Variants in TMEM178B observed in about 807,000 individuals in gnomAD.
The protein encoded by TMEM178B is transmembrane protein 178B.
In TMEM178B, 5 loss-of-function variants were observed where a neutral mutation model predicts 31.0. That is an observed-to-expected ratio of 0.16 (90% CI 0.08 to 0.34). The LOEUF (loss-of-function observed/expected upper bound fraction) is 0.34. Among genes scored for constraint, TMEM178B ranks in the 10% least tolerant of loss-of-function variants. The pLI, the probability that TMEM178B is intolerant of heterozygous loss-of-function variation, is 1.00. For synonymous variants in TMEM178B, 164 were observed against 164.0 expected (o/e 1.00, Z 0.00); for missense variants, 275 against 400.3 (o/e 0.69, Z 2.67).
intron 1 of TMEM178B, among the ~76,000 whole-genome samples, chr7:141,077,777 A>C (rs1794622169): frequency 6.6e-6 from 1 of 152,258 alleles, no homozygotes; most frequent in Non-Finnish European, 1.5e-5. Context: ...TGAGAATTTA[A>C]GTAAAAAATT....
intron 2 of TMEM178B, among the ~76,000 whole-genome samples, chr7:141,411,133 G>A (rs1334655737): frequency 2.0e-5 from 3 of 151,458 alleles, no homozygotes; most frequent in Admixed American, 6.6e-5. Flanking sequence ...GAGATGGAGA[G>A]TTAATGCCTA....
intron 2 of TMEM178B, among the ~76,000 whole-genome samples, chr7:141,407,717 T>C (rs1242584501): frequency 6.6e-6 from 1 of 152,208 alleles, no homozygotes; most frequent in Non-Finnish European, 1.5e-5. Flanking sequence ...TTAGAGCCTA[T>C]TGGAACCCAA....
chr7:141,340,220 C>T (rs1799493208), intron 2 of TMEM178B, among the ~76,000 whole-genome samples: 2 of 152,216 alleles, frequency 1.3e-5, no homozygotes, highest in African/African-American at 4.8e-5. Context: ...GTCCCTAGAG[C>T]TTCCCGTGAA....
chr7:141,347,448 G>C (rs1291731917), intron 2 of TMEM178B, among the ~76,000 whole-genome samples: 6 of 152,124 alleles, frequency 3.9e-5, no homozygotes, highest in Non-Finnish European at 8.8e-5. Context: ...GGCAGAGCTG[G>C]TTTTCCTTTG....
rs1563163875 is a variant in TMEM178B, at chr7:141,369,315, A to ATG, written c.497-68293_497-68292insTG. 5.5e-4 allele frequency among the ~76,000 whole-genome samples: 60 copies of ATG among 108,864 alleles called. 1 individual carries two copies. Among genetic ancestry groups the ATG allele is most frequent in the African/African-American group, 2.2e-3 (59 of 27,422 alleles). 71.4% of individuals were successfully genotyped at this position (108,864 alleles called of 152,430 possible). ...TCTTTCTCTCTGTCTCTCCGCGCCG[A>ATG]CGTGTGTGTGTGTGTGTGTGTGTGT... On this transcript the variant is annotated intron_variant, in intron 2 of 3. Transcript: ENST00000565468.
At chr7:141,293,843 C>T (rs1331139423) in intron 2 of TMEM178B, among the ~76,000 whole-genome samples, 1 of 152,120 alleles carries the variant, frequency 6.6e-6, no homozygotes, top group Non-Finnish European at 1.5e-5. Context: ...AGTAGGAAGT[C>T]TTTATAAACC....
chr7:141,498,555 CA>C, the TMEM178B span, among the ~76,000 whole-genome samples: 2 of 152,214 alleles, frequency 1.3e-5, no homozygotes, highest in African/African-American at 4.8e-5. Context: ...ATCTTCAAGT[CA>C]ACTAGGGAAA....
At chr7:141,164,689 C>T (rs527982673) in intron 1 of TMEM178B, among the ~76,000 whole-genome samples, 2 of 152,272 alleles carry the variant, frequency 1.3e-5, no homozygotes, top group African/African-American at 4.8e-5. Context: ...TGACAGGAAA[C>T]CCCCAAATAA....
intron 1 of TMEM178B, among the ~76,000 whole-genome samples, chr7:141,209,898 G>T (rs1054103106): frequency 6.6e-6 from 1 of 152,194 alleles, no homozygotes; most frequent in Admixed American, 6.5e-5. Flanking sequence ...TCACCTAGCT[G>T]GAGCCTGGGG....
rs572583143 is a variant in TMEM178B, at chr7:141,433,514, G to A, written c.497-4094G>A. Among the ~76,000 whole-genome samples, 10 of 152,166 alleles carry A rather than the reference G, an allele frequency of 6.6e-5. No homozygotes were observed. In the South Asian group the frequency reaches 8.3e-4, roughly 13 times the overall value. ...ATTTTCCCCATCCTTGAAGACTTCCGTCTTTCTAAGAAATCTCTTAACTGT... is the reference window on the plus strand; with the variant it reads ...ATTTTCCCCATCCTTGAAGACTTCCATCTTTCTAAGAAATCTCTTAACTGT... On this transcript the variant is annotated intron_variant, in intron 2 of 3. Transcript: ENST00000565468.
the TMEM178B span, among the ~76,000 whole-genome samples, chr7:141,510,685 C>CAAAAAAAAAAAAAAAAAAAAAAAAAAA: frequency 7.2e-4 from 18 of 24,964 alleles, 4 homozygotes; most frequent in Non-Finnish European, 1.0e-3. Context: ...AACTCCGTCT[C>CAAAAAAAAAAAAAAAAAAAAAAAAAAA]AAAAAAAAAA....
At chr7:141,487,097 C>G in the TMEM178B span, among the ~76,000 whole-genome samples, 1 of 152,144 alleles carries the variant, frequency 6.6e-6, no homozygotes, top group Admixed American at 6.5e-5. Context: ...TTCGCTGCAA[C>G]TTCATGCCAA....
In TMEM178B at chr7:141,135,799, C is replaced by G. The variant is rs369572988; in HGVS notation, c.382+61107C>G. 3.3e-5 allele frequency among the ~76,000 whole-genome samples: 5 copies of G among 152,140 alleles called. No homozygotes were observed. In the East Asian group the frequency reaches 5.8e-4, roughly 18 times the overall value. On this transcript the variant is annotated intron_variant, in intron 1 of 3. Transcript: ENST00000565468. ...AAAAAGTGGAATGATTTCAAATAAC[C>G]TAATGATGCACCTCAGGAAACTAGA...
intron 2 of TMEM178B, among the ~76,000 whole-genome samples, chr7:141,356,909 A>G (rs139676338): frequency 1.3e-3 from 200 of 152,284 alleles, no homozygotes; most frequent in African/African-American, 4.6e-3. Flanking sequence ...TCCATAAAAT[A>G]TATCCTAAAT....
At chr7:141,313,944 A>G (rs1228499553) in intron 2 of TMEM178B, among the ~76,000 whole-genome samples, 1 of 152,120 alleles carries the variant, frequency 6.6e-6, no homozygotes, top group East Asian at 1.9e-4. Flanking sequence ...CCTGATAGGG[A>G]GCAGACAAGA....
chr7:141,076,634 C>T (rs1384989174), intron 1 of TMEM178B, among the ~76,000 whole-genome samples: 1 of 152,228 alleles, frequency 6.6e-6, no homozygotes, highest in East Asian at 1.9e-4. Flanking sequence ...ACATGTTCTT[C>T]CGGTGAAGCT....
chr7:141,501,361 TACC>T, the TMEM178B span, among the ~76,000 whole-genome samples: 1 of 151,928 alleles, frequency 6.6e-6, no homozygotes, highest in Non-Finnish European at 1.5e-5. Flanking sequence ...GAGCACGTAC[TACC>T]ACCAAGAACC....
the TMEM178B span, among the ~76,000 whole-genome samples, chr7:141,498,657 T>C: frequency 6.6e-6 from 1 of 152,248 alleles, no homozygotes; most frequent in East Asian, 1.9e-4. Context: ...CAAAGTCTGT[T>C]CCACTGCCTC....
At chr7:141,462,092 A>G (rs1482337117) in intron 3 of TMEM178B, among the ~76,000 whole-genome samples, 3 of 152,084 alleles carry the variant, frequency 2.0e-5, no homozygotes, top group African/African-American at 4.8e-5. Context: ...AACACTACCT[A>G]TTGGCCCCAG....
Sources: gnomAD v4.1 joint callset for allele counts (sites outside exome capture counted in the v4.1 genomes callset) on GRCh38, gnomAD v4.1.1 for gene constraint, MANE v1.5 for transcripts, NCBI Gene and HGNC (gene_info 2026-07-23, HGNC 2026-07-21) for gene names.